LAMC3: variants seen among roughly 807,000 people sequenced by gnomAD.
LAMC3 encodes laminin subunit gamma-3.
A neutral mutation model predicts 173.8 loss-of-function variants in LAMC3; 128 were observed. That is an observed-to-expected ratio of 0.74 (90% CI 0.64 to 0.85). The LOEUF is 0.85. Ranked by LOEUF, LAMC3 falls within the 40% of genes least tolerant of loss-of-function variation. The pLI, the probability that LAMC3 is intolerant of heterozygous loss-of-function variation, is 0.00. For missense variants in LAMC3, 2,022 were observed against 2,156.0 expected, an observed-to-expected ratio of 0.94 and a Z score of 1.23; for synonymous variants, 897 against 909.1, an observed-to-expected ratio of 0.99 and a Z score of 0.24.
At position 131,026,179 on chromosome 9, in the gene LAMC3, G is replaced by A. The variant is rs1037030683; in HGVS notation, c.374-106G>A. On this transcript the variant is annotated intron_variant, in intron 1 of 27. Coordinates refer to ENST00000361069, the MANE Select transcript of LAMC3 (RefSeq NM_006059.4). The surrounding 1 kb of genome is among the most constrained non-coding windows in gnomAD (Gnocchi z 4.8). ...TCCAGAGCTCCAGACAGCTTCCAGC[G>A]ATCCATCCACGCTAGTGCCTGCAAT... 27 of 1,558,684 alleles carry A rather than the reference G, an allele frequency of 1.7e-5. No individual in the cohort carries two copies. Among genetic ancestry groups the A allele is most frequent in the Admixed American group, 1.3e-4 (7 of 52,026 alleles).
chr9:131,010,752 C>T (rs1330001642), intron 1 of LAMC3, among the ~76,000 whole-genome samples: 2 of 152,236 alleles, frequency 1.3e-5, no homozygotes, highest in Non-Finnish European at 1.5e-5. Flanking sequence ...GGCCTCTCTG[C>T]CCTGCTCATG....
At chr9:131,047,163 C>CTTTTTTTTTTTTTTT (rs781187472) in intron 8 of LAMC3, among the ~76,000 whole-genome samples, 1 of 48,554 alleles carries the variant, frequency 2.1e-5, no homozygotes, top group Non-Finnish European at 4.7e-5. Flanking sequence ...CTCTGAATTC[C>CTTTTTTTTTTTTTTT]TCTTTTTTTT....
At chr9:131,073,826 A>G (rs1018326363) in intron 20 of LAMC3, among the ~76,000 whole-genome samples, 1 of 151,380 alleles carries the variant, frequency 6.6e-6, no homozygotes, top group Non-Finnish European at 1.5e-5. Context: ...CCACTATTCT[A>G]CTTTCTGTCT....
chr9:131,019,219 G>T (rs774746877), intron 1 of LAMC3, among the ~76,000 whole-genome samples: 8 of 152,096 alleles, frequency 5.3e-5, no homozygotes, highest in Admixed American at 3.3e-4. Context: ...CCAAGATCAC[G>T]CCACTGCACT....
rs181068858 is a variant in LAMC3 at position 131,070,649 on chromosome 9, C to T, written c.3069+799C>T. On this transcript the variant is annotated intron_variant, in intron 17 of 27. Transcript: ENST00000361069. ...TTGCTTGAACCCAGGAGGCGGAGGT[C>T]GCAGGGAGCCAAGATCATGACTGCA... Among the ~76,000 whole-genome samples the T allele has an allele frequency of 2.6e-3, 399 of 151,894 alleles. 7 individuals are homozygous for T. Among genetic ancestry groups the T allele is most frequent in the African/African-American group, 9.2e-3 (382 of 41,394 alleles).
At chr9:131,047,582 T>A (rs1834194113) in intron 8 of LAMC3, among the ~76,000 whole-genome samples, 1 of 146,182 alleles carries the variant, frequency 6.8e-6, no homozygotes, top group Admixed American at 6.7e-5. Flanking sequence ...CTGGGCGCAG[T>A]GGCTCACGCC....
rs398012456 is a variant in LAMC3 at position 131,047,165 on chromosome 9, C to CTTTTTTT, written c.1519+1516_1519+1522dup. Among the ~76,000 whole-genome samples the CTTTTTTT allele has an allele frequency of 1.3e-3, 128 of 102,160 alleles. 12 individuals carry two copies. The highest frequency in any genetic ancestry group is 2.6e-3 in the South Asian group (7 of 2,674). The allele number at this position is 102,160 out of a possible 152,430, so 67.0% of individuals were successfully genotyped here. Reference sequence around the variant, plus strand: ...AAAACTTTTTGGTCTCTGAATTCCTCTTTTTTTTTTTTTTTTTAAGACGGA... The same window carrying CTTTTTTT: ...AAAACTTTTTGGTCTCTGAATTCCTCTTTTTTTTTTTTTTTTTTTTTTTTAAGACGGA... On this transcript the variant is annotated intron_variant, in intron 8 of 27. Transcript: ENST00000361069.
chr9:131,030,036 G>A (rs565005074), intron 2 of LAMC3, among the ~76,000 whole-genome samples: 2 of 152,040 alleles, frequency 1.3e-5, no homozygotes, highest in Admixed American at 6.5e-5. Flanking sequence ...TGCCTCCCAG[G>A]TTCAAGCAAT....
intron 11 of LAMC3, among the ~76,000 whole-genome samples, chr9:131,056,384 A>G (rs1271130769): frequency 2.0e-5 from 3 of 152,080 alleles, no homozygotes; most frequent in Admixed American, 6.6e-5. Context: ...GTTTAAATCT[A>G]TATATCGTTA....
chr9:131,045,653 C>T lies in LAMC3; in HGVS notation c.1512C>T (p.Phe504=). Residue 504 remains phenylalanine (F), a synonymous_variant, in exon 8 of 28, where the codon TTC becomes TTT. Transcript: ENST00000361069. The part of the protein sequence containing the change: ...QFQVHHILSD[F]HQGAEGWWAR... ...AGGTGCATCACATCCTCAGCGATTTCCACCAGGGTAAGAGATGCTCCCTGC... is the reference window on the plus strand; with the variant it reads ...AGGTGCATCACATCCTCAGCGATTTTCACCAGGGTAAGAGATGCTCCCTGC... The T allele has an allele frequency of 6.2e-7, 1 of 1,614,172 alleles. No homozygotes were observed. Among genetic ancestry groups the T allele is most frequent in the South Asian group, 1.1e-5 (1 of 91,092 alleles).
chr9:131,050,921 G>A (rs1834271410), intron 9 of LAMC3, among the ~76,000 whole-genome samples: 1 of 152,180 alleles, frequency 6.6e-6, no homozygotes. Flanking sequence ...AGCAAAGGAT[G>A]GGAGGGGAGC....
At chr9:131,072,892 C>T in intron 19 of LAMC3, 57 bp downstream of exon 19, 1 of 1,501,094 alleles carries the variant, frequency 6.7e-7, no homozygotes, top group Non-Finnish European at 9.1e-7. Context: ...GGTCCCTGCC[C>T]CAGCCCTCCC....
Position 131,026,735 on chromosome 9 carries a change from A to T in LAMC3, c.678+146A>T. On this transcript the variant is annotated intron_variant, in intron 2 of 27. Coordinates refer to ENST00000361069, the MANE Select transcript of LAMC3 (RefSeq NM_006059.4). This position sits in a 1 kb window ranked among gnomAD's most constrained non-coding sequence, Gnocchi z 4.8. ...TTTCTTCTTTTATTTTTGGAGACTG[A>T]GTCTTGCTCTGTCGCCCAGGCTGGA... The T allele has an allele frequency of 1.5e-6, 2 of 1,370,278 alleles. No individual in the cohort carries two copies. Among genetic ancestry groups the T allele is most frequent in the Non-Finnish European group, 1.9e-6 (2 of 1,043,458 alleles). 84.9% of individuals were successfully genotyped at this position (1,370,278 alleles called of 1,614,324 possible). A position where few individuals can be genotyped will look rare whatever the true frequency, so the allele number is the denominator to read the frequency against.
intron 3 of LAMC3, among the ~76,000 whole-genome samples, chr9:131,034,039 C>T (rs984405196): frequency 3.3e-5 from 5 of 152,258 alleles, no homozygotes; most frequent in African/African-American, 7.2e-5. Context: ...CCGGGGAAGG[C>T]GGCCATGAGC....
At chr9:131,011,188 A>G (rs1420286940) in intron 1 of LAMC3, among the ~76,000 whole-genome samples, 1 of 152,242 alleles carries the variant, frequency 6.6e-6, no homozygotes, top group Non-Finnish European at 1.5e-5. Flanking sequence ...TATTAGCACA[A>G]TATATGGTAT....
intron 13 of LAMC3, among the ~76,000 whole-genome samples, chr9:131,063,847 G>T (rs1277426965): frequency 6.6e-6 from 1 of 152,174 alleles, no homozygotes; most frequent in Non-Finnish European, 1.5e-5. Flanking sequence ...TTCTGTTCCA[G>T]TTTGTCTTTT....
At chr9:131,015,610 G>A (rs1833507302) in intron 1 of LAMC3, among the ~76,000 whole-genome samples, 1 of 152,174 alleles carries the variant, frequency 6.6e-6, no homozygotes. Flanking sequence ...GGGCCCCCGT[G>A]TGCAAAGGCT....
At chr9:131,054,805 TGA>T (rs374763399) in intron 11 of LAMC3, among the ~76,000 whole-genome samples, 311 of 101,912 alleles carry the variant, frequency 3.1e-3, no homozygotes, top group African/African-American at 0.013. Context: ...AGAGAGAGAG[TGA>T]GAGAGAGAGA....
chr9:131,084,504 C>T (rs1277189546), intron 24 of LAMC3, among the ~76,000 whole-genome samples: 1 of 152,166 alleles, frequency 6.6e-6, no homozygotes, highest in East Asian at 1.9e-4. Context: ...CCGCACCTGA[C>T]TAAATTTCCC....
Sources: allele counts gnomAD v4.1 joint callset (sites outside exome capture counted in the v4.1 genomes callset), GRCh38; gene constraint gnomAD v4.1.1; non-coding constraint Gnocchi (gnomAD v3.1); transcripts MANE v1.5; gene names NCBI Gene and HGNC (gene_info 2026-07-23, HGNC 2026-07-21).